Variants in ANK1 observed in about 807,000 individuals in gnomAD.
ANK1 encodes ankyrin-1.
A neutral mutation model predicts 210.4 loss-of-function variants in ANK1; 51 were observed. That is an observed-to-expected ratio of 0.24 (90% CI 0.19 to 0.31). The LOEUF (loss-of-function observed/expected upper bound fraction) is 0.31, where lower values mean the gene tolerates loss of function less well. ANK1 is among the 10% of genes least tolerant of loss of function. ANK1 has a pLI of 1.00. For missense variants in ANK1, 2,051 were observed against 2,504.4 expected (o/e 0.82, Z 3.86); for synonymous variants, 967 against 1,025.9 (o/e 0.94, Z 1.10).
At chr8:41,717,109 A>T (rs182714242) in intron 12 of ANK1, 58 bp from the exon 13 acceptor site, 1 of 1,584,176 alleles carries the variant, frequency 6.3e-7, no homozygotes, top group Non-Finnish European at 8.7e-7. Flanking sequence ...AAAACGGCAC[A>T]CACAGAGCTA....
chr8:41,811,392 T>A (rs1802454687), intron 1 of ANK1, among the ~76,000 whole-genome samples: 2 of 152,240 alleles, frequency 1.3e-5, no homozygotes, highest in Admixed American at 6.5e-5. Flanking sequence ...GTCAGTCACG[T>A]TAGCTTTCTC....
intron 2 of ANK1, among the ~76,000 whole-genome samples, chr8:41,747,661 T>C (rs1836524159): frequency 6.6e-6 from 1 of 152,188 alleles, no homozygotes; most frequent in South Asian, 2.1e-4. Context: ...TCTTTGTCTC[T>C]AAGCACTATG....
chr8:41,692,917 A>G, intron 30 of ANK1, 41 bp from the exon 31 acceptor site: 1 of 1,591,150 alleles, frequency 6.3e-7, no homozygotes, highest in Non-Finnish European at 8.6e-7. Flanking sequence ...AGTGCCCAAC[A>G]GAGAGCATCC....
intron 38 of ANK1, among the ~76,000 whole-genome samples, chr8:41,671,083 C>T (rs750131263): frequency 1.9e-4 from 29 of 152,214 alleles, no homozygotes; most frequent in Non-Finnish European, 4.0e-4. Context: ...CAAGGTGAGC[C>T]GGTCCTCGGC....
chr8:41,665,519 G>C, intron 39 of ANK1: 1 of 335,188 alleles, frequency 3.0e-6, no homozygotes, highest in East Asian at 8.1e-5. Context: ...TTCTGCCCAG[G>C]GAAAGTTTCT....
chr8:41,822,166 G>A (rs1331666275), intron 1 of ANK1, among the ~76,000 whole-genome samples: 1 of 141,982 alleles, frequency 7.0e-6, no homozygotes, highest in African/African-American at 2.6e-5. Flanking sequence ...AAGAAAGAAA[G>A]AAAGAAAGAA....
At chr8:41,784,429 C>T (rs1380692510) in intron 1 of ANK1, among the ~76,000 whole-genome samples, 1 of 152,154 alleles carries the variant, frequency 6.6e-6, no homozygotes, top group Admixed American at 6.5e-5. Flanking sequence ...TAAATGTGAA[C>T]GTTAGTATAT....
intron 7 of ANK1, among the ~76,000 whole-genome samples, chr8:41,724,094 AT>A (rs1830072869): frequency 6.6e-6 from 1 of 152,072 alleles, no homozygotes; most frequent in African/African-American, 2.4e-5. Flanking sequence ...GGCCTAAGAC[AT>A]TTTAAAACCT....
At chr8:41,778,269 G>T (rs1586883135) in intron 1 of ANK1, among the ~76,000 whole-genome samples, 1 of 152,330 alleles carries the variant, frequency 6.6e-6, no homozygotes, top group East Asian at 1.9e-4. Context: ...CAAATACTCA[G>T]TAAGATAATA....
upstream of ANK1, among the ~76,000 whole-genome samples, chr8:41,799,489 A>G (rs1283113882): frequency 2.0e-5 from 3 of 152,230 alleles, no homozygotes; most frequent in Non-Finnish European, 4.4e-5. Flanking sequence ...GAGGAGGAAC[A>G]ATATTTTTCT....
intron 3 of ANK1, among the ~76,000 whole-genome samples, chr8:41,732,021 A>C (rs984861634): frequency 6.6e-6 from 1 of 152,274 alleles, no homozygotes; most frequent in African/African-American, 2.4e-5. Context: ...TCCAGTCAGA[A>C]AGAGCAACTC....
At chr8:41,830,291 G>A (rs1806352379) in intron 1 of ANK1, among the ~76,000 whole-genome samples, 1 of 149,846 alleles carries the variant, frequency 6.7e-6, no homozygotes, top group East Asian at 1.9e-4. Context: ...CACATTTCTA[G>A]AAATTCTCTG....
intron 12 of ANK1, 27 bp from the exon 13 acceptor site, chr8:41,717,078 G>T: frequency 6.2e-7 from 1 of 1,608,514 alleles, no homozygotes. Flanking sequence ...TTATAGAACT[G>T]TTCATACATG....
chr8:41,758,214 C>T, intron 1 of ANK1, 77 bp from the exon 2 acceptor site: 2 of 1,290,146 alleles, frequency 1.6e-6, no homozygotes, highest in Non-Finnish European at 2.2e-6. Context: ...TCCCAGGCCC[C>T]CGCAGCAGCC....
chr8:41,725,404 C>T (rs1361538900), intron 6 of ANK1, among the ~76,000 whole-genome samples: 1 of 152,236 alleles, frequency 6.6e-6, no homozygotes, highest in African/African-American at 2.4e-5. Flanking sequence ...CCAGCCCCTG[C>T]ACGCCTCCTC....
At chr8:41,859,336 GTGTTTGTTTGTT>G (rs368482975) in intron 1 of ANK1, among the ~76,000 whole-genome samples, 4 of 151,898 alleles carry the variant, frequency 2.6e-5, no homozygotes, top group Non-Finnish European at 4.4e-5. Flanking sequence ...TTGTTTGTTT[GTGTTTGTTTGTT>G]TGTTTGTTTG....
chr8:41,693,343 C>T (rs900332838), intron 29 of ANK1, 142 bp from the exon 30 acceptor site: 5 of 746,284 alleles, frequency 6.7e-6, no homozygotes, highest in African/African-American at 1.7e-5. Context: ...TACCCTCACC[C>T]CGCTGCTCTT....
intron 3 of ANK1, among the ~76,000 whole-genome samples, chr8:41,731,583 T>C (rs918882665): frequency 2.6e-5 from 4 of 151,902 alleles, no homozygotes; most frequent in African/African-American, 4.8e-5. Flanking sequence ...TTTTCTTCTT[T>C]TTTTTTTTTC....
chr8:41,835,525 C>G (rs80070715), intron 1 of ANK1, among the ~76,000 whole-genome samples: 3,529 of 151,894 alleles, frequency 0.023, 52 homozygotes, highest in African/African-American at 0.041. Flanking sequence ...ACCTTCGGGC[C>G]GAGGCTGCAG....
Sources: gnomAD v4.1 joint callset for allele counts (sites outside exome capture counted in the v4.1 genomes callset) on GRCh38, gnomAD v4.1.1 for gene constraint, MANE v1.5 for transcripts, NCBI Gene and HGNC (gene_info 2026-07-23, HGNC 2026-07-21) for gene names.